Variants in CNTRL observed in about 807,000 individuals in gnomAD.
CNTRL encodes the protein 110 kDa centrosomal protein.
In CNTRL, 233 loss-of-function variants were observed where a neutral mutation model predicts 303.7. That is an observed-to-expected ratio of 0.77 (90% CI 0.69 to 0.86). The LOEUF is 0.86. Ranked by LOEUF, CNTRL falls within the 40% of genes least tolerant of loss-of-function variation. The pLI, the probability that CNTRL is intolerant of heterozygous loss-of-function variation, is 0.00. For missense variants in CNTRL, 2,524 were observed against 2,650.6 expected (o/e 0.95, Z 1.05); for synonymous variants, 900 against 922.2 (o/e 0.98, Z 0.44).
At chr9:121,104,063 GAC>G (rs2049323437) in intron 7 of CNTRL, among the ~76,000 whole-genome samples, 1 of 152,178 alleles carries the variant, frequency 6.6e-6, no homozygotes, top group Non-Finnish European at 1.5e-5. Context: ...CCACTATAAA[GAC>G]ACACGCACAC....
chr9:121,093,150 G>T lies in CNTRL; in HGVS notation c.349-1738G>T, dbSNP rs1240892199. Among the ~76,000 whole-genome samples the T allele has an allele frequency of 2.0e-5, 3 of 151,974 alleles. No individual in the cohort carries two copies. The East Asian group carries it at 5.8e-4, about 29-fold the overall frequency. On this transcript the variant is annotated intron_variant, in intron 4 of 43. Coordinates refer to ENST00000373855, the MANE Select transcript of CNTRL (RefSeq NM_007018.6). ...TGTCTGTTTCTGTGATTGAGAACAA[G>T]AACTTTGTTTTCTTTATTCACTACT...
At chr9:121,151,219 T>C (rs2052223840) in intron 25 of CNTRL, among the ~76,000 whole-genome samples, 1 of 152,264 alleles carries the variant, frequency 6.6e-6, no homozygotes, top group South Asian at 2.1e-4. Flanking sequence ...TAAGCATTTG[T>C]CCATGGTTTT....
Position 121,081,351 on chromosome 9 carries a change from A to G in CNTRL, c.-32+873A>G, listed in dbSNP as rs35012568. ...ACATGTAAGGGTTGTTGCCCCATAC[A>G]CCAGATACTTCTTCAGTGGACACCA... On this transcript the variant is annotated intron_variant, in intron 2 of 43. Coordinates refer to ENST00000373855, the MANE Select transcript of CNTRL (RefSeq NM_007018.6). Among the ~76,000 whole-genome samples the G allele has an allele frequency of 5.5e-3, 832 of 152,372 alleles. 6 individuals are homozygous for G. Among genetic ancestry groups the G allele is most frequent in the Non-Finnish European group, 6.9e-3 (469 of 68,036 alleles).
chr9:121,169,342 T>G (rs756900574), intron 38 of CNTRL, among the ~76,000 whole-genome samples: 5 of 152,224 alleles, frequency 3.3e-5, no homozygotes, highest in Admixed American at 1.3e-4. Flanking sequence ...TTCCTCTCAC[T>G]GGTCTCAAAG....
At chr9:121,129,072 C>A (rs148871516) in intron 14 of CNTRL, among the ~76,000 whole-genome samples, 2 of 152,240 alleles carry the variant, frequency 1.3e-5, no homozygotes, top group Non-Finnish European at 2.9e-5. Context: ...AGTCAGGTAG[C>A]GTGATGCCTC....
At chr9:121,132,393 A>G (rs1397599671) in intron 14 of CNTRL, among the ~76,000 whole-genome samples, 2 of 152,172 alleles carry the variant, frequency 1.3e-5, no homozygotes, top group Non-Finnish European at 2.9e-5. Flanking sequence ...ATCTTCAGTC[A>G]CTGATACCCT....
At chr9:121,080,726 G>C (rs1212295050) in intron 2 of CNTRL, among the ~76,000 whole-genome samples, 1 of 152,132 alleles carries the variant, frequency 6.6e-6, no homozygotes, top group Non-Finnish European at 1.5e-5. Flanking sequence ...TCCAAAAATT[G>C]AATATATTAA....
chr9:121,149,466 A>G (rs2052086237), intron 24 of CNTRL, among the ~76,000 whole-genome samples: 1 of 151,832 alleles, frequency 6.6e-6, no homozygotes, highest in Admixed American at 6.6e-5. Flanking sequence ...CAGTGGCACA[A>G]TCTTGGCTTA....
At chr9:121,085,148 G>T (rs758003798) in intron 2 of CNTRL, among the ~76,000 whole-genome samples, 18 of 152,156 alleles carry the variant, frequency 1.2e-4, no homozygotes, top group Non-Finnish European at 2.2e-4. Context: ...AACAAAAAAG[G>T]CAGATTTAAA....
intron 4 of CNTRL, among the ~76,000 whole-genome samples, chr9:121,092,630 A>ATATATATAATATATATC (rs1479393035): frequency 1.0e-4 from 2 of 19,152 alleles, no homozygotes; most frequent in African/African-American, 3.1e-4. Context: ...ATATATATCT[A>ATATATATAATATATATC]TATATATAAT....
intron 4 of CNTRL, among the ~76,000 whole-genome samples, chr9:121,094,126 G>C (rs11790902): frequency 0.62 from 86,945 of 140,266 alleles, 27,914 homozygotes; most frequent in South Asian, 0.89. Flanking sequence ...CCCCACCCCC[G>C]CAAAAAAAAA....
intron 14 of CNTRL, among the ~76,000 whole-genome samples, chr9:121,133,222 G>A (rs555086786): frequency 6.6e-5 from 10 of 152,208 alleles, no homozygotes; most frequent in Non-Finnish European, 1.5e-4. Context: ...GCTGCCTTTT[G>A]TTCAGCTATG....
chr9:121,150,137 G>A (rs1305000511), intron 24 of CNTRL, 33 bp from the exon 25 acceptor site: 2 of 1,540,370 alleles, frequency 1.3e-6, no homozygotes, highest in Non-Finnish European at 1.8e-6. Flanking sequence ...ACACTCTTTT[G>A]TTGAATAAAC....
At chr9:121,092,424 A>C (rs1204831646) in intron 4 of CNTRL, among the ~76,000 whole-genome samples, 3 of 72,088 alleles carry the variant, frequency 4.2e-5, no homozygotes, top group Non-Finnish European at 6.2e-5. Context: ...TGACAGAGTG[A>C]GATATAGATA....
chr9:121,118,681 C>T, intron 12 of CNTRL, 141 bp downstream of exon 12: 2 of 540,554 alleles, frequency 3.7e-6, no homozygotes, highest in Non-Finnish European at 6.0e-6. Context: ...TACAGTCAGC[C>T]CTCCATATCC....
At chr9:121,145,782 G>C (rs1302561649) in intron 22 of CNTRL, among the ~76,000 whole-genome samples, 2 of 152,142 alleles carry the variant, frequency 1.3e-5, no homozygotes, top group Non-Finnish European at 2.9e-5. Context: ...TGTAAACCCA[G>C]CTACTCGGGA....
chr9:121,156,346 G>C (rs902496373), intron 27 of CNTRL, among the ~76,000 whole-genome samples: 1 of 152,136 alleles, frequency 6.6e-6, no homozygotes, highest in Admixed American at 6.5e-5. Context: ...TAAGAAGGAG[G>C]AGGAGAGAGA....
intron 7 of CNTRL, among the ~76,000 whole-genome samples, chr9:121,099,772 C>T (rs891530840): frequency 5.9e-5 from 9 of 152,008 alleles, no homozygotes; most frequent in Non-Finnish European, 1.0e-4. Flanking sequence ...GCACAAGCTT[C>T]AGTAGCTGAT....
At position 121,128,645 on chromosome 9, in the gene CNTRL, A is replaced by G. The variant is rs1350767003; in HGVS notation, c.2025+2709A>G. 2.0e-5 allele frequency among the ~76,000 whole-genome samples: 3 copies of G among 152,138 alleles called. No individual in the cohort carries two copies. The South Asian group carries it at 6.2e-4, about 31-fold the overall frequency. On this transcript the variant is annotated intron_variant, in intron 14 of 43. Transcript: ENST00000373855. ...TGCTGTGCAGAAGCTCTTTGGTTTA[A>G]TTAGATCCCATTTGTCTATTTTGGC... is the stretch of plus-strand genomic sequence containing the variant.
Sources: allele counts gnomAD v4.1 joint callset (sites outside exome capture counted in the v4.1 genomes callset), GRCh38; gene constraint gnomAD v4.1.1; transcripts MANE v1.5; gene names NCBI Gene and HGNC (gene_info 2026-07-23, HGNC 2026-07-21).